USHBP1: variants seen among roughly 807,000 people sequenced by gnomAD.
The protein encoded by USHBP1 is USH1 protein network component harmonin binding protein 1.
USHBP1 carries 67 observed loss-of-function variants against 76.2 expected under a neutral mutation model. That is an observed-to-expected ratio of 0.88 (90% CI 0.72 to 1.08). USHBP1 has a LOEUF of 1.08. USHBP1 is among the 50% of genes least tolerant of loss of function. The pLI is 0.00. For synonymous variants in USHBP1, 322 were observed against 362.2 expected, an observed-to-expected ratio of 0.89 and a Z score of 1.26; for missense variants, 931 against 915.0, an observed-to-expected ratio of 1.02 and a Z score of -0.23.
rs758411793 is a variant in USHBP1 at position 17,262,554 on chromosome 19, C to G, written c.640G>C (p.Glu214Gln). 1 of 1,602,362 alleles carries G rather than the reference C, an allele frequency of 6.2e-7. No homozygotes were observed. The highest frequency in any genetic ancestry group is 1.1e-5 in the South Asian group (1 of 90,624). The change falls in exon 4 of 13, where the codon GAG (glutamate) becomes CAG (glutamine). Residue 214 changes from glutamate to glutamine, a missense_variant and splice_region_variant. Glu to Gln is a conservative substitution (Grantham distance 29, BLOSUM62 2). Transcript: ENST00000252597. The part of the protein sequence containing the change: ...IRAEKETLQK[E>Q]VQELQDSLLR... ...GGACTCAGGATGGCCCCACTCACCT[C>G]TTTCTGCAGCGTCTCCTTCTCAGCT... is the stretch of plus-strand genomic sequence containing the variant.
intron 4 of USHBP1, among the ~76,000 whole-genome samples, chr19:17,261,640 ATTT>A (rs34383325): frequency 2.3e-5 from 2 of 86,408 alleles, no homozygotes; most frequent in African/African-American, 4.6e-5. Context: ...CATTATTATT[ATTT>A]TTTTTTTTTT....
At position 17,249,879 on chromosome 19, in the gene USHBP1, G is replaced by A. The variant is rs2073528628; in HGVS notation, c.*346C>T. 3.4e-6 allele frequency: 1 copy of A among 290,900 alleles called. No homozygotes were observed. The highest frequency in any genetic ancestry group is 6.5e-6 in the Non-Finnish European group (1 of 153,460). The allele number at this position is 290,900 out of a possible 1,614,324, so 18.0% of individuals were successfully genotyped here. A position where few individuals can be genotyped will look rare whatever the true frequency, so the allele number is the denominator to read the frequency against. On this transcript the variant is annotated 3_prime_UTR_variant, in exon 13 of 13. Transcript: ENST00000252597. ...CCAGTCCCCATGAATCCCTCCCTGGGCTTCGGGAGACAGGCCAGTTGGAAC... is the reference window on the plus strand; with the variant it reads ...CCAGTCCCCATGAATCCCTCCCTGGACTTCGGGAGACAGGCCAGTTGGAAC...
rs112158497 is a variant in USHBP1 at position 17,256,688 on chromosome 19, G to A, written c.1253C>T (p.Pro418Leu). The A allele has an allele frequency of 6.2e-7, 1 of 1,614,078 alleles. No homozygotes were observed. The highest frequency in any genetic ancestry group is 1.7e-5 in the Admixed American group (1 of 59,992). ...PEGSSVDKPT[P>L]QEVAFQLRSY... ...TCGGAGCTGGAAAGCCACTTCCTGT[G>A]GGGTGGGCTTATCCACACTGCTGCC... Residue 418 changes from proline to leucine, a missense_variant, in exon 9 of 13, where the codon CCA (proline) becomes CTA (leucine). Transcript: ENST00000252597.
intron 10 of USHBP1, among the ~76,000 whole-genome samples, chr19:17,254,600 A>G (rs948277091): frequency 6.6e-6 from 1 of 151,002 alleles, no homozygotes; most frequent in Non-Finnish European, 1.5e-5. Context: ...AGGTTGTGGT[A>G]AGCCAAGATC....
At chr19:17,255,314 G>T in intron 10 of USHBP1, 71 bp downstream of exon 10, 2 of 1,437,130 alleles carry the variant, frequency 1.4e-6, no homozygotes, top group Non-Finnish European at 1.9e-6. Flanking sequence ...AAAAAAAAAG[G>T]CTGTGATTGA....
At position 17,259,707 on chromosome 19, in the gene USHBP1, AG is replaced by A. The variant is rs756820724; in HGVS notation, c.793del (p.Leu265CysfsTer68). 1.2e-6 allele frequency: 2 copies of A among 1,613,204 alleles called. No homozygotes were observed. The highest frequency in any genetic ancestry group is 1.7e-6 in the Non-Finnish European group (2 of 1,179,658). On this transcript the variant is annotated frameshift_variant, in exon 6 of 13. Transcript: ENST00000252597. LOFTEE classifies it high-confidence loss of function. ...GGAATGGCTGCGGAGGCGCCGAAGCAGGGGGTGAGCCAGGGAGAAGGAGTCC... is the reference window on the plus strand; with the variant it reads ...GGAATGGCTGCGGAGGCGCCGAAGCAGGGGTGAGCCAGGGAGAAGGAGTCC... ...TQDSFSLAHP[L>X]LRRLRSHSST... is the part of the protein sequence containing the mutation.
chr19:17,264,377 C>G lies in USHBP1; in HGVS notation c.-48-30G>C. 4.7e-6 allele frequency: 7 copies of G among 1,475,440 alleles called. No individual in the cohort carries two copies. The South Asian group carries it at 5.4e-5, about 11-fold the overall frequency. 91.4% of individuals were successfully genotyped at this position (1,475,440 alleles called of 1,614,324 possible). ...AACCACAGCCTGCCATGAGCTCTTG[C>G]CTTTGTTGTCCTGGACAAAGGACAA... On this transcript the variant is annotated intron_variant, in intron 1 of 12. Coordinates refer to ENST00000252597, the MANE Select transcript of USHBP1 (RefSeq NM_031941.4).
chr19:17,260,025 G>A lies in USHBP1; in HGVS notation c.643-3C>T, dbSNP rs1191933659. On this transcript the variant is annotated splice_polypyrimidine_tract_variant and splice_region_variant and intron_variant, in intron 4 of 12. Coordinates refer to ENST00000252597, the MANE Select transcript of USHBP1 (RefSeq NM_031941.4). The stretch of plus-strand genomic sequence containing the variant: ...AGGGAATCCTGCAGCTCTTGAACCT[G>A]GGAAAGATGAGGGGGACGTCAGGCC... 6.2e-7 allele frequency: 1 copy of A among 1,611,552 alleles called. No individual in the cohort carries two copies. The highest frequency in any genetic ancestry group is 1.3e-5 in the African/African-American group (1 of 74,988).
Position 17,262,622 on chromosome 19 carries a change from T to C in USHBP1, c.572A>G (p.Glu191Gly). Residue 191 changes from glutamate to glycine, a missense_variant, in exon 4 of 13, where the codon GAG becomes GGG. Glu to Gly is a moderately conservative substitution (Grantham distance 98). Coordinates refer to ENST00000252597, the MANE Select transcript of USHBP1 (RefSeq NM_031941.4). ...AWLRLALSSR[E>G]DELVRTQASL... ...GGCCTGCGTGCGGACCAGCTCATCC[T>C]CTCGGCTACTCAGGGCCAGCCGGAG... 1 of 1,613,842 alleles carries C rather than the reference T, an allele frequency of 6.2e-7. No individual in the cohort carries two copies. Among genetic ancestry groups the C allele is most frequent in the Non-Finnish European group, 8.5e-7 (1 of 1,180,004 alleles).
In USHBP1 at chr19:17,259,967, T is replaced by TG. The variant is rs775102424; in HGVS notation, c.697dup (p.His233ProfsTer12). On this transcript the variant is annotated frameshift_variant, in exon 5 of 13. Coordinates refer to ENST00000252597, the MANE Select transcript of USHBP1 (RefSeq NM_031941.4). LOFTEE classifies it high-confidence loss of function. ...ACTGCCTGAGCCACCTGCTTGGTTG[T>TG]GGGAAAGATGTGGGCAGGGCTCCAG... is the stretch of plus-strand genomic sequence containing the variant. 24 of 1,613,884 alleles carry TG rather than the reference T, an allele frequency of 1.5e-5. No homozygotes were observed. Among genetic ancestry groups the TG allele is most frequent in the Non-Finnish European group, 1.9e-5 (22 of 1,179,988 alleles).
intron 12 of USHBP1, 29 bp downstream of exon 12, chr19:17,251,553 G>C (rs1314930275): frequency 6.2e-7 from 1 of 1,612,484 alleles, no homozygotes; most frequent in Non-Finnish European, 8.5e-7. Context: ...TGGTGCCAGG[G>C]GGATTGGGGG....
At chr19:17,251,548 C>A in intron 12 of USHBP1, 34 bp downstream of exon 12, 1 of 1,611,814 alleles carries the variant, frequency 6.2e-7, no homozygotes. Flanking sequence ...GGGGATGGTG[C>A]CAGGGGGATT....
chr19:17,256,608 G>C lies in USHBP1; in HGVS notation c.1333C>G (p.Pro445Ala), dbSNP rs376454461. Residue 445 changes from proline (P) to alanine (A), a missense_variant, in exon 9 of 13, where the codon CCT becomes GCT. Pro to Ala is a conservative substitution (Grantham distance 27). Transcript: ENST00000252597. ...RRSLMKILSE[P>A]GPTLAPMPTV... Reference sequence around the variant, plus strand: ...GGCATGGGTGCCAAGGTGGGGCCAGGCTCTGAGAGAATCTTCATTAGAGAA... The same window carrying C: ...GGCATGGGTGCCAAGGTGGGGCCAGCCTCTGAGAGAATCTTCATTAGAGAA... The C allele has an allele frequency of 5.8e-5, 93 of 1,614,222 alleles. 1 individual carries two copies. In the Middle Eastern group the frequency reaches 2.3e-3, roughly 40 times the overall value.
intron 8 of USHBP1, 149 bp from the exon 9 acceptor site, chr19:17,256,869 A>T: frequency 8.4e-7 from 1 of 1,186,252 alleles, no homozygotes. Context: ...ACACCAACAT[A>T]CCCCACTAGG....
In USHBP1 at chr19:17,250,151, CATG is replaced by C; in HGVS notation, c.*71_*73del. On this transcript the variant is annotated 3_prime_UTR_variant, in exon 13 of 13. Transcript: ENST00000252597. ...CAACATGCCAAATCATGCAACATGA[CATG>C]ATGTCACTCCAGGACAGTTTATGAC... The C allele has an allele frequency of 1.3e-6, 2 of 1,493,250 alleles. No homozygotes were observed. The allele number at this position is 1,493,250 out of a possible 1,614,324, so 92.5% of individuals were successfully genotyped here.
At chr19:17,257,043 C>T (rs540412134) in intron 8 of USHBP1, among the ~76,000 whole-genome samples, 235 of 141,788 alleles carry the variant, frequency 1.7e-3, no homozygotes, top group African/African-American at 6.0e-3. Context: ...TTTTTTGAGA[C>T]GCAGTCTTGC....
intron 4 of USHBP1, among the ~76,000 whole-genome samples, 162 bp downstream of exon 4, chr19:17,262,390 C>T (rs961190158): frequency 6.6e-6 from 1 of 152,134 alleles, no homozygotes; most frequent in African/African-American, 2.4e-5. Flanking sequence ...TCAAAGGATC[C>T]TCCTGCCTCC....
At position 17,256,503 on chromosome 19, in the gene USHBP1, T is replaced by C; in HGVS notation, c.1438A>G (p.Thr480Ala). 6.2e-7 allele frequency: 1 copy of C among 1,613,686 alleles called. No individual in the cohort carries two copies. The highest frequency in any genetic ancestry group is 8.5e-7 in the Non-Finnish European group (1 of 1,180,006). Residue 480 changes from threonine to alanine, a missense_variant, in exon 9 of 13, where the codon ACA (threonine) becomes GCA (alanine). Physicochemically the swap from Thr to Ala is moderately conservative, Grantham distance 58. Transcript: ENST00000252597. The part of the protein sequence containing the change: ...AGPALPRLEK[T>A]QIQQDLVAAR... ...GCCACCAGGTCCTGCTGAATTTGTG[T>C]CTTCTCCAGTCGGGGAAGAGCTGGG...
rs777523676 is a variant in USHBP1 at position 17,262,985 on chromosome 19, T to A, written c.209A>T (p.Asp70Val). Residue 70 changes from aspartate to valine, a missense_variant, in exon 4 of 13, where the codon GAC becomes GTC. Physicochemically the swap from Asp to Val is radical, Grantham distance 152 (BLOSUM62 -3). Transcript: ENST00000252597. ...VSGQGLGSRT[D>V]KKMDGGSGRE... ...GCCAGAGCCCCCATCCATCTTCTTG[T>A]CAGTCCTGTGGACACCAACTCAGGC... The A allele has an allele frequency of 1.8e-5, 28 of 1,518,532 alleles. No individual in the cohort carries two copies. The Admixed American group carries it at 6.3e-4, about 34-fold the overall frequency. 94.1% of individuals were successfully genotyped at this position (1,518,532 alleles called of 1,614,324 possible).
Sources: gnomAD v4.1 joint callset for allele counts (sites outside exome capture counted in the v4.1 genomes callset) on GRCh38, gnomAD v4.1.1 for gene constraint, MANE v1.5 for transcripts, NCBI Gene and HGNC (gene_info 2026-07-23, HGNC 2026-07-21) for gene names.